The following PTPRG variants were observed in gnomAD, a reference collection of about 807,000 sequenced individuals.
The protein encoded by PTPRG is protein tyrosine phosphatase receptor type G, also known as receptor-type tyrosine-protein phosphatase gamma.
Under a neutral mutation model 165.3 loss-of-function variants are expected in PTPRG, and 102 were observed. That is an observed-to-expected ratio of 0.62 (90% confidence interval 0.53 to 0.73). The LOEUF is 0.73. PTPRG is among the 30% of genes least tolerant of loss of function. The pLI is 0.00. For missense variants in PTPRG, 1,866 were observed against 1,861.4 expected, an observed-to-expected ratio of 1.00 and a Z score of -0.05; for synonymous variants, 675 against 669.5, an observed-to-expected ratio of 1.01 and a Z score of -0.13.
intron 1 of PTPRG, among the ~76,000 whole-genome samples, chr3:61,740,677 A>G (rs557408758): frequency 1.3e-5 from 2 of 152,124 alleles, no homozygotes; most frequent in Non-Finnish European, 2.9e-5. Flanking sequence ...TTTTCCCTCT[A>G]GGATACGACA....
At chr3:61,647,964 G>C (rs762522432) in intron 1 of PTPRG, among the ~76,000 whole-genome samples, 19 of 152,156 alleles carry the variant, frequency 1.2e-4, no homozygotes, top group Non-Finnish European at 2.1e-4. Context: ...TCTATCTACT[G>C]ACACTCCCTT....
In PTPRG at chr3:61,995,240, C is replaced by T. The variant is rs374995117; in HGVS notation, c.370+5436C>T. On this transcript the variant is annotated intron_variant, in intron 3 of 29. Transcript: ENST00000474889. ...AGTAGCTGGAATTACAGGTGCATGC[C>T]ACCAAGCCAAGTTCATTTTTGTATT... 3.3e-5 allele frequency among the ~76,000 whole-genome samples: 5 copies of T among 151,998 alleles called. No homozygotes were observed. In the East Asian group the frequency reaches 7.8e-4, roughly 24 times the overall value.
Position 61,562,352 on chromosome 3 carries a change from A to G in PTPRG, c.65A>G (p.His22Arg), listed in dbSNP as rs756803785. Residue 22 changes from histidine to arginine, a missense_variant, in exon 1 of 30, where the codon CAT (histidine) becomes CGT (arginine). This residue lies in a region of PTPRG where 408 missense variants were observed against 376.2 expected (regional missense o/e 1.08). Transcript: ENST00000474889. ...LFLKITSSVLHYVVCFPALTE... is the reference protein window; with the variant it reads ...LFLKITSSVLRYVVCFPALTE... ...CTGAAAATCACCAGTTCCGTGCTCC[A>G]TTATGTCGTGTGCTTCCCCGGTGAG... 2 of 1,613,512 alleles carry G rather than the reference A, an allele frequency of 1.2e-6. No individual in the cohort carries two copies. The highest frequency in any genetic ancestry group is 1.7e-4 in the Middle Eastern group (1 of 6,038).
intron 13 of PTPRG, among the ~76,000 whole-genome samples, chr3:62,227,280 G>A (rs772911258): frequency 6.6e-6 from 1 of 152,152 alleles, no homozygotes; most frequent in Non-Finnish European, 1.5e-5. Context: ...TCTACTTGAC[G>A]ATGACTGGGT....
intron 1 of PTPRG, among the ~76,000 whole-genome samples, chr3:61,697,787 T>G (rs1310761449): frequency 6.6e-6 from 1 of 152,200 alleles, no homozygotes; most frequent in Non-Finnish European, 1.5e-5. Flanking sequence ...AAAAGGGTAG[T>G]TACGCCTCAA....
intron 1 of PTPRG, among the ~76,000 whole-genome samples, chr3:61,728,714 C>T (rs952382198): frequency 1.3e-5 from 2 of 151,676 alleles, no homozygotes; most frequent in Non-Finnish European, 2.9e-5. Context: ...ATCTTAGGTG[C>T]TCTAACATAT....
chr3:62,100,332 A>G (rs1702246593), intron 5 of PTPRG, among the ~76,000 whole-genome samples: 1 of 152,152 alleles, frequency 6.6e-6, no homozygotes, highest in Non-Finnish European at 1.5e-5. Context: ...TCTATATCTT[A>G]AACAGAAAAC....
At chr3:61,696,498 G>A (rs145954659) in intron 1 of PTPRG, among the ~76,000 whole-genome samples, 1,861 of 152,232 alleles carry the variant, frequency 0.012, 27 homozygotes, top group Non-Finnish European at 0.019. Context: ...GTGGGATTCC[G>A]TCTCAAAAAC....
chr3:61,788,564 A>G (rs2034779295), intron 2 of PTPRG, among the ~76,000 whole-genome samples: 1 of 152,258 alleles, frequency 6.6e-6, no homozygotes. Context: ...GGAATTGCTA[A>G]ATGCTGAATT....
intron 1 of PTPRG, among the ~76,000 whole-genome samples, chr3:61,720,420 G>A (rs1374947871): frequency 2.6e-5 from 4 of 152,188 alleles, no homozygotes; most frequent in South Asian, 2.1e-4. Flanking sequence ...CACCACTCCC[G>A]GCCAACGGGA....
intron 4 of PTPRG, among the ~76,000 whole-genome samples, chr3:62,043,834 G>A (rs1700202693): frequency 6.6e-6 from 1 of 152,108 alleles, no homozygotes. Context: ...GAAAATACGT[G>A]AATGAAGAAA....
chr3:62,288,396 C>T (rs926344967), intron 28 of PTPRG, among the ~76,000 whole-genome samples: 1 of 152,094 alleles, frequency 6.6e-6, no homozygotes. Context: ...AAGAATTGGC[C>T]GGGCACGGTG....
At chr3:62,225,112 A>G (rs1385522322) in intron 13 of PTPRG, among the ~76,000 whole-genome samples, 9 of 152,196 alleles carry the variant, frequency 5.9e-5, no homozygotes, top group South Asian at 2.1e-4. Context: ...AATCAATTCA[A>G]AAGTTTTCAC....
chr3:62,292,479 G>C lies in PTPRG; in HGVS notation c.4114G>C (p.Glu1372Gln). Residue 1372 changes from glutamate (E) to glutamine (Q), a missense_variant, in exon 29 of 30, where the codon GAG (glutamate) becomes CAG (glutamine). By Grantham distance (29) the Glu-to-Gln change is conservative. This residue lies in a region of PTPRG where 1,452 missense variants were observed against 1,463.0 expected (regional missense o/e 0.99). Transcript: ENST00000474889. Reference sequence around the variant, plus strand: ...CCTTACCACCCTGTCCCAGCAACTGGAGAATGAAAATGCTGTGGATGTTTT... The same window carrying C: ...CCTTACCACCCTGTCCCAGCAACTGCAGAATGAAAATGCTGTGGATGTTTT... Reference protein sequence around the residue: ...CALTTLSQQLENENAVDVFQV... With the variant: ...CALTTLSQQLQNENAVDVFQV... 1 of 1,613,708 alleles carries C rather than the reference G, an allele frequency of 6.2e-7. No homozygotes were observed. Among genetic ancestry groups the C allele is most frequent in the South Asian group, 1.1e-5 (1 of 91,072 alleles).
At chr3:61,857,163 C>T (rs1340340286) in intron 2 of PTPRG, among the ~76,000 whole-genome samples, 1 of 151,954 alleles carries the variant, frequency 6.6e-6, no homozygotes, top group Non-Finnish European at 1.5e-5. Context: ...GTAACCAATG[C>T]CTCATCACTC....
At chr3:61,919,590 G>A (rs932913672) in intron 2 of PTPRG, among the ~76,000 whole-genome samples, 2 of 152,170 alleles carry the variant, frequency 1.3e-5, no homozygotes, top group African/African-American at 2.4e-5. Flanking sequence ...CATTTGGGGA[G>A]TGAAGATGGA....
intron 28 of PTPRG, among the ~76,000 whole-genome samples, chr3:62,290,873 A>C (rs1174112058): frequency 6.6e-6 from 1 of 152,168 alleles, no homozygotes; most frequent in Non-Finnish European, 1.5e-5. Flanking sequence ...ATTCTCAAAC[A>C]AGATTCCAAA....
chr3:62,266,354 T>C (rs1362805037), intron 17 of PTPRG, among the ~76,000 whole-genome samples: 2 of 152,170 alleles, frequency 1.3e-5, no homozygotes, highest in Admixed American at 6.5e-5. Flanking sequence ...ATCACAACTT[T>C]CAAGGTATAT....
chr3:62,167,602 G>A (rs998557557), intron 7 of PTPRG, among the ~76,000 whole-genome samples: 9 of 152,108 alleles, frequency 5.9e-5, no homozygotes, highest in African/African-American at 2.2e-4. Context: ...GTCTGGCTCC[G>A]GGACATAACA....
Sources: allele counts gnomAD v4.1 joint callset (sites outside exome capture counted in the v4.1 genomes callset), GRCh38; gene constraint gnomAD v4.1.1; regional missense constraint gnomAD v4.1.1; transcripts MANE v1.5; gene names NCBI Gene and HGNC (gene_info 2026-07-23, HGNC 2026-07-21).